ALX4: variants seen among roughly 807,000 people sequenced by gnomAD.
ALX4 encodes ALX homeobox 4, also known as homeobox protein aristaless-like 4.
A neutral mutation model predicts 40.6 loss-of-function variants in ALX4; 22 were observed. That is an observed-to-expected ratio of 0.54 (90% CI 0.39 to 0.77). ALX4 has a LOEUF of 0.77. Ranked by LOEUF, ALX4 falls within the 30% of genes least tolerant of loss-of-function variation. The pLI is 0.00. For missense variants in ALX4, 556 were observed against 564.8 expected, an observed-to-expected ratio of 0.98 and a Z score of 0.16; for synonymous variants, 266 against 240.5, an observed-to-expected ratio of 1.11 and a Z score of -0.98.
At position 44,262,013 on chromosome 11, in the gene ALX4, G is replaced by T. The variant is rs1206512790; in HGVS notation, c.*2841C>A. 1 of 152,294 alleles carries T rather than the reference G, an allele frequency of 6.6e-6. No homozygotes were observed. The highest frequency in any genetic ancestry group is 1.9e-4 in the East Asian group (1 of 5,188). The allele number at this position is 152,294 out of a possible 1,614,324, so 9.4% of individuals were successfully genotyped here. A position where few individuals can be genotyped will look rare whatever the true frequency, so the allele number is the denominator to read the frequency against. ...GTCTTGGAAGGGACTGGGCCCCAAG[G>T]TTCTCTTCTGGAGAACTGAGCTGCT... On this transcript the variant is annotated 3_prime_UTR_variant, in exon 4 of 4. Coordinates refer to ENST00000652299, the MANE Select transcript of ALX4 (RefSeq NM_021926.4).
intron 2 of ALX4, among the ~76,000 whole-genome samples, chr11:44,270,184 C>A (rs78064200): frequency 1.3e-5 from 2 of 151,712 alleles, no homozygotes; most frequent in Admixed American, 1.3e-4. Context: ...GGCGCGGGCT[C>A]GCTGGAGCTG....
intron 1 of ALX4, among the ~76,000 whole-genome samples, chr11:44,291,512 G>T (rs1440797869): frequency 6.6e-6 from 1 of 151,708 alleles, no homozygotes. Context: ...GGGTTCAAGC[G>T]ATTCTCCTGC....
intron 1 of ALX4, among the ~76,000 whole-genome samples, chr11:44,297,510 G>C (rs886796124): frequency 4.6e-5 from 7 of 151,962 alleles, no homozygotes; most frequent in Admixed American, 3.9e-4. Context: ...TTGAGTCTAG[G>C]AGTTCAAGAC....
chr11:44,269,689 C>A (rs541865845), intron 2 of ALX4, among the ~76,000 whole-genome samples: 75 of 152,314 alleles, frequency 4.9e-4, no homozygotes, highest in Non-Finnish European at 7.8e-4. Flanking sequence ...AGGGTCCAGG[C>A]CCTGGCTGCC....
At position 44,309,996 on chromosome 11, in the gene ALX4, G is replaced by A. The variant is rs746753665; in HGVS notation, c.67C>T (p.Pro23Ser). 7 of 1,602,858 alleles carry A rather than the reference G, an allele frequency of 4.4e-6. No individual in the cohort carries two copies. The highest frequency in any genetic ancestry group is 5.1e-6 in the Non-Finnish European group (6 of 1,174,916). ...PAAAMDAYYS[P>S]VSQSREGSSP... ...GAGCCCTCCCGACTCTGCGACACCG[G>A]GCTGTAGTAGGCGTCCATGGCAGCG... The change falls in exon 1 of 4, where the codon CCG (proline) becomes TCG (serine). Residue 23 changes from proline to serine, a missense_variant. Coordinates refer to ENST00000652299, the MANE Select transcript of ALX4 (RefSeq NM_021926.4).
chr11:44,298,401 G>A (rs1245011753), intron 1 of ALX4, among the ~76,000 whole-genome samples: 1 of 152,170 alleles, frequency 6.6e-6, no homozygotes, highest in East Asian at 1.9e-4. Flanking sequence ...CCAGAAGAGA[G>A]GGCTGCATCC....
intron 2 of ALX4, among the ~76,000 whole-genome samples, chr11:44,269,027 C>A (rs1288621026): frequency 6.6e-6 from 1 of 152,242 alleles, no homozygotes; most frequent in East Asian, 1.9e-4. Flanking sequence ...AAACATTTCT[C>A]CATCCATCAC....
intron 2 of ALX4, among the ~76,000 whole-genome samples, chr11:44,273,605 A>AG (rs1440569481): frequency 6.6e-6 from 1 of 152,200 alleles, no homozygotes; most frequent in Non-Finnish European, 1.5e-5. Context: ...ACAGTTTAGT[A>AG]GGAGGGGACA....
intron 1 of ALX4, among the ~76,000 whole-genome samples, chr11:44,303,149 C>G (rs1956444574): frequency 6.6e-6 from 1 of 152,174 alleles, no homozygotes; most frequent in African/African-American, 2.4e-5. Flanking sequence ...CTTCAGAGCC[C>G]TGGAGAGCCA....
intron 1 of ALX4, among the ~76,000 whole-genome samples, chr11:44,303,229 T>G (rs1344809143): frequency 3.9e-5 from 6 of 152,298 alleles, no homozygotes; most frequent in African/African-American, 7.2e-5. Context: ...ACATCCATGC[T>G]GGGCCTCCAG....
intron 1 of ALX4, among the ~76,000 whole-genome samples, chr11:44,301,576 A>C (rs1956434539): frequency 6.6e-6 from 1 of 152,098 alleles, no homozygotes; most frequent in Non-Finnish European, 1.5e-5. Context: ...TTCTAAGGAG[A>C]CTGAGGCAGA....
chr11:44,270,579 T>C (rs1005895158), intron 2 of ALX4, among the ~76,000 whole-genome samples: 2 of 151,518 alleles, frequency 1.3e-5, no homozygotes, highest in African/African-American at 4.9e-5. Context: ...AGGCTTGGAG[T>C]GTCCATCCAT....
At chr11:44,269,367 C>G (rs1187884643) in intron 2 of ALX4, among the ~76,000 whole-genome samples, 1 of 152,206 alleles carries the variant, frequency 6.6e-6, no homozygotes, top group Non-Finnish European at 1.5e-5. Context: ...TTCTCACTGT[C>G]TTTTGCTAGA....
At chr11:44,267,834 CCA>C (rs1564998800) in intron 2 of ALX4, among the ~76,000 whole-genome samples, 1 of 152,176 alleles carries the variant, frequency 6.6e-6, no homozygotes, top group Non-Finnish European at 1.5e-5. Flanking sequence ...TATCTTACCC[CCA>C]CTAGCCATGG....
rs1956498226 is a variant in ALX4, at chr11:44,309,986, T to G, written c.77A>C (p.Gln26Pro). The G allele has an allele frequency of 1.6e-5, 25 of 1,601,168 alleles. No individual in the cohort carries two copies. Among genetic ancestry groups the G allele is most frequent in the Non-Finnish European group, 2.1e-5 (25 of 1,174,162 alleles). ...AAAAGGCGACGAGCCCTCCCGACTC[T>G]GCGACACCGGGCTGTAGTAGGCGTC... ...AMDAYYSPVS[Q>P]SREGSSPFRA... Residue 26 changes from glutamine (Q) to proline (P), a missense_variant, in exon 1 of 4, where the codon CAG (glutamine) becomes CCG (proline). Gln to Pro is a moderately conservative substitution (Grantham distance 76, BLOSUM62 -1). Transcript: ENST00000652299.
At chr11:44,265,568 C>T (rs1385464449) in intron 3 of ALX4, among the ~76,000 whole-genome samples, 4 of 152,210 alleles carry the variant, frequency 2.6e-5, no homozygotes, top group African/African-American at 7.2e-5. Context: ...AGGCCCCTCA[C>T]ATCCATAGGC....
chr11:44,261,646 C>T lies in ALX4; in HGVS notation c.*3208G>A, dbSNP rs1226989141. The stretch of plus-strand genomic sequence containing the variant: ...GGCATCTGGAGGGCAGTAGCAGCAC[C>T]TTAGTGTCAAGCCTTGCCATGCTGA... On this transcript the variant is annotated 3_prime_UTR_variant, in exon 4 of 4. Transcript: ENST00000652299. 1 of 152,226 alleles carries T rather than the reference C, an allele frequency of 6.6e-6. No individual in the cohort carries two copies. The highest frequency in any genetic ancestry group is 1.5e-5 in the Non-Finnish European group (1 of 68,046). The allele number at this position is 152,226 out of a possible 1,614,324, so 9.4% of individuals were successfully genotyped here. A position where few individuals can be genotyped will look rare whatever the true frequency, so the allele number is the denominator to read the frequency against.
intron 1 of ALX4, among the ~76,000 whole-genome samples, chr11:44,276,086 A>G (rs1488227276): frequency 6.6e-6 from 1 of 152,132 alleles, no homozygotes; most frequent in Non-Finnish European, 1.5e-5. Context: ...TTCAGCAGCC[A>G]TGTCTGGCCC....
chr11:44,292,329 C>G (rs1164668793), intron 1 of ALX4, among the ~76,000 whole-genome samples: 1 of 151,794 alleles, frequency 6.6e-6, no homozygotes, highest in Non-Finnish European at 1.5e-5. Flanking sequence ...CCTCAGCCTC[C>G]TGAGTAGCTG....
Sources: gnomAD v4.1 joint callset for allele counts (sites outside exome capture counted in the v4.1 genomes callset) on GRCh38, gnomAD v4.1.1 for gene constraint, MANE v1.5 for transcripts, NCBI Gene and HGNC (gene_info 2026-07-23, HGNC 2026-07-21) for gene names.